The following CLIP4 variants were observed in gnomAD, a reference collection of about 807,000 sequenced individuals.
CLIP4 encodes the protein CAP-Gly domain containing linker protein family member 4.
Under a neutral mutation model 73.1 loss-of-function variants are expected in CLIP4, and 47 were observed. The observed-to-expected ratio is 0.64, with a 90% confidence interval of 0.51 to 0.82. CLIP4 has a LOEUF of 0.82. CLIP4 is among the 40% of genes least tolerant of loss of function. The probability of loss-of-function intolerance (pLI) is 0.00; values close to 1 mark genes in which losing one functional copy is unlikely to be tolerated. For synonymous variants in CLIP4, 306 were observed against 295.4 expected, an observed-to-expected ratio of 1.04 and a Z score of -0.37; for missense variants, 874 against 852.9, an observed-to-expected ratio of 1.02 and a Z score of -0.31.
At chr2:29,133,633 T>C in intron 4 of CLIP4, 22 bp from the exon 5 acceptor site, 1 of 1,585,802 alleles carries the variant, frequency 6.3e-7, no homozygotes, top group Non-Finnish European at 8.5e-7. Flanking sequence ...TAAAGGAAAG[T>C]AATTTAGAAA....
At chr2:29,099,271 A>G (rs1048628297) in intron 1 of CLIP4, among the ~76,000 whole-genome samples, 7 of 152,220 alleles carry the variant, frequency 4.6e-5, no homozygotes, top group Admixed American at 4.6e-4. Flanking sequence ...AAAAGTCATC[A>G]GCAAACCCAA....
rs946250052 is a variant in CLIP4, at chr2:29,176,518, C to T, written c.1796+2073C>T. Among the ~76,000 whole-genome samples the T allele has an allele frequency of 2.6e-5, 4 of 152,230 alleles. No individual in the cohort carries two copies. In the South Asian group the frequency reaches 6.2e-4, roughly 24 times the overall value. ...GAGAGGAGAAGGAACAGATTTTTCT[C>T]GATCACGTATAGAAATGGTAGTGAG... On this transcript the variant is annotated intron_variant, in intron 15 of 15. Transcript: ENST00000320081.
chr2:29,156,107 G>A (rs1666905214), intron 9 of CLIP4, among the ~76,000 whole-genome samples: 1 of 152,122 alleles, frequency 6.6e-6, no homozygotes. Flanking sequence ...CTGTCCCTTA[G>A]GACCCATCTC....
chr2:29,160,262 T>G, intron 11 of CLIP4, 71 bp from the exon 12 acceptor site: 11 of 1,605,270 alleles, frequency 6.9e-6, no homozygotes, highest in Non-Finnish European at 9.4e-6. Context: ...ATGTGCTTTT[T>G]GAGTTTTTCT....
At chr2:29,106,812 TTGA>T (rs1441969114) in intron 1 of CLIP4, among the ~76,000 whole-genome samples, 3 of 152,224 alleles carry the variant, frequency 2.0e-5, no homozygotes, top group African/African-American at 7.2e-5. Flanking sequence ...TGTGATGATC[TTGA>T]TGATAAAGAT....
At chr2:29,153,278 ACTATGGAAGAGTT>A (rs1666703408) in intron 9 of CLIP4, among the ~76,000 whole-genome samples, 2 of 152,250 alleles carry the variant, frequency 1.3e-5, no homozygotes, top group African/African-American at 4.8e-5. Context: ...CTATGGAAGA[ACTATGGAAGAGTT>A]CTATGGAAGA....
intron 11 of CLIP4, among the ~76,000 whole-genome samples, chr2:29,157,889 A>G (rs1667031942): frequency 1.3e-5 from 2 of 152,218 alleles, no homozygotes; most frequent in Admixed American, 1.3e-4. Context: ...TTATTTGCCT[A>G]TATAGCGAAC....
At position 29,136,552 on chromosome 2, in the gene CLIP4, A is replaced by C. The variant is rs561226978; in HGVS notation, c.648+886A>C. Among the ~76,000 whole-genome samples the C allele has an allele frequency of 6.0e-4, 91 of 151,448 alleles. 1 individual carries two copies. Among genetic ancestry groups the C allele is most frequent in the Non-Finnish European group, 1.1e-3 (75 of 67,788 alleles). ...ATGTCTTGCAGAGGGGAGGTGGGAC[A>C]GGGAAGCAGTCAGTTTTACTGTAGT... On this transcript the variant is annotated intron_variant, in intron 6 of 15. Coordinates refer to ENST00000320081, the MANE Select transcript of CLIP4 (RefSeq NM_024692.6).
intron 8 of CLIP4, among the ~76,000 whole-genome samples, chr2:29,148,437 AATG>A (rs1350579502): frequency 1.3e-5 from 2 of 152,184 alleles, no homozygotes; most frequent in South Asian, 2.1e-4. Context: ...AACTGTAGAA[AATG>A]ATAAGTTTTA....
chr2:29,171,480 T>C (rs564078397), intron 14 of CLIP4, among the ~76,000 whole-genome samples: 1 of 152,096 alleles, frequency 6.6e-6, no homozygotes, highest in Non-Finnish European at 1.5e-5. Context: ...TATGTTCTTA[T>C]GTTTTTAGAA....
At chr2:29,116,202 G>C (rs1663817414) in intron 1 of CLIP4, among the ~76,000 whole-genome samples, 1 of 152,220 alleles carries the variant, frequency 6.6e-6, no homozygotes, top group South Asian at 2.1e-4. Flanking sequence ...AGGGGAAGTT[G>C]AAAGGAGCGC....
At chr2:29,141,947 T>A (rs550276349) in intron 6 of CLIP4, among the ~76,000 whole-genome samples, 3 of 152,302 alleles carry the variant, frequency 2.0e-5, no homozygotes, top group Admixed American at 1.3e-4. Context: ...CAGCAAGTAT[T>A]ATTTTTTTGT....
Position 29,166,308 on chromosome 2 carries a change from C to T in CLIP4, c.1659-1168C>T, listed in dbSNP as rs73920719. Among the ~76,000 whole-genome samples, 172 of 152,206 alleles carry T rather than the reference C, an allele frequency of 1.1e-3. 1 individual carries two copies. Among genetic ancestry groups the T allele is most frequent in the African/African-American group, 3.2e-3 (131 of 41,534 alleles). ...ATCTTCTTCCTTCTCAGGACTATGG[C>T]TGGCCTTTCCCCCCACCCCTTTCTG... is the stretch of plus-strand genomic sequence containing the variant. On this transcript the variant is annotated intron_variant, in intron 13 of 15. Coordinates refer to ENST00000320081, the MANE Select transcript of CLIP4 (RefSeq NM_024692.6).
At chr2:29,159,695 A>C (rs965516698) in intron 11 of CLIP4, among the ~76,000 whole-genome samples, 6 of 151,292 alleles carry the variant, frequency 4.0e-5, no homozygotes, top group South Asian at 2.1e-4. Flanking sequence ...AAAAAAAAAA[A>C]AAAAAAAAAA....
At chr2:29,137,733 TC>T (rs1458008419) in intron 6 of CLIP4, among the ~76,000 whole-genome samples, 1 of 152,204 alleles carries the variant, frequency 6.6e-6, no homozygotes, top group Non-Finnish European at 1.5e-5. Flanking sequence ...AGATAGTCTC[TC>T]ATTGTGGTGT....
chr2:29,106,145 G>A (rs1358734752), intron 1 of CLIP4, among the ~76,000 whole-genome samples: 1 of 151,560 alleles, frequency 6.6e-6, no homozygotes, highest in Non-Finnish European at 1.5e-5. Context: ...TGTGATCTTG[G>A]ATAAGTTACT....
At chr2:29,130,954 C>T (rs1021513494) in intron 2 of CLIP4, 9 of 1,272,748 alleles carry the variant, frequency 7.1e-6, no homozygotes, top group Non-Finnish European at 8.1e-6. Flanking sequence ...ACCTGGTTTT[C>T]TACCCCAGAT....
chr2:29,118,087 G>A (rs1186175103), intron 1 of CLIP4: 1 of 152,204 alleles, frequency 6.6e-6, no homozygotes, highest in Non-Finnish European at 1.5e-5. Flanking sequence ...GGAATCTCAG[G>A]AGAATGATGA....
chr2:29,119,435 T>C (rs184307370), intron 1 of CLIP4, among the ~76,000 whole-genome samples: 580 of 152,246 alleles, frequency 3.8e-3, no homozygotes, highest in African/African-American at 0.013. Context: ...GAAAGGGAAG[T>C]CATGTGGTGA....
Sources: allele counts gnomAD v4.1 joint callset (sites outside exome capture counted in the v4.1 genomes callset), GRCh38; gene constraint gnomAD v4.1.1; transcripts MANE v1.5; gene names NCBI Gene and HGNC (gene_info 2026-07-23, HGNC 2026-07-21).